Variants in BLTP3B observed in about 807,000 individuals in gnomAD.
BLTP3B encodes the protein bridge-like lipid transfer protein family member 3B, also known as UHRF1 (ICBP90) binding protein 1-like.
the BLTP3B span, among the ~76,000 whole-genome samples, chr12:100,091,667 TA>T: frequency 6.6e-6 from 1 of 151,554 alleles, no homozygotes; most frequent in African/African-American, 2.4e-5. Flanking sequence ...CACGCCCGGC[TA>T]AATTTTTTGT....
At chr12:100,064,714 A>T in the BLTP3B span, among the ~76,000 whole-genome samples, 2 of 152,156 alleles carry the variant, frequency 1.3e-5, no homozygotes, top group African/African-American at 4.8e-5. Context: ...GTAAAGATAC[A>T]GTGTTTTTCA....
At chr12:100,115,745 G>C in the BLTP3B span, among the ~76,000 whole-genome samples, 2 of 151,914 alleles carry the variant, frequency 1.3e-5, no homozygotes, top group African/African-American at 2.4e-5. Context: ...CTTGGTGACA[G>C]AGTGAGATCC....
At chr12:100,139,343 A>G in the BLTP3B span, among the ~76,000 whole-genome samples, 2 of 152,224 alleles carry the variant, frequency 1.3e-5, no homozygotes, top group African/African-American at 4.8e-5. Flanking sequence ...TCATCCAGGC[A>G]AAGATGGTTT....
chr12:100,058,559 C>A, the BLTP3B span: 7 of 1,611,498 alleles, frequency 4.3e-6, no homozygotes, highest in Non-Finnish European at 5.9e-6. Context: ...TTTTTGAAGA[C>A]AAAAAATCCC....
At chr12:100,059,957 A>G in the BLTP3B span, 1 of 1,613,154 alleles carries the variant, frequency 6.2e-7, no homozygotes, top group Non-Finnish European at 8.5e-7. Flanking sequence ...TTTAAATCCA[A>G]CAGAAATTGA....
chr12:100,082,329 G>A, the BLTP3B span, among the ~76,000 whole-genome samples: 1 of 152,256 alleles, frequency 6.6e-6, no homozygotes, highest in East Asian at 1.9e-4. Context: ...AATAATTTGT[G>A]AATATTTTCT....
chr12:100,043,015 T>G, the BLTP3B span, among the ~76,000 whole-genome samples: 1 of 152,146 alleles, frequency 6.6e-6, no homozygotes, highest in East Asian at 1.9e-4. Context: ...GCCAGGCTGG[T>G]CTTGAACTCT....
chr12:100,141,065 T>C, the BLTP3B span, among the ~76,000 whole-genome samples: 1 of 151,944 alleles, frequency 6.6e-6, no homozygotes, highest in Admixed American at 6.6e-5. Context: ...CTTGTGGAGC[T>C]GGGTATGAGA....
the BLTP3B span, among the ~76,000 whole-genome samples, chr12:100,115,647 G>A: frequency 1.3e-5 from 2 of 151,970 alleles, no homozygotes; most frequent in Non-Finnish European, 2.9e-5. Context: ...GCACACGCCT[G>A]TAGCTACCTG....
At chr12:100,048,148 G>C in the BLTP3B span, 2 of 1,606,838 alleles carry the variant, frequency 1.2e-6, no homozygotes, top group East Asian at 4.5e-5. Flanking sequence ...AAATCTCAGA[G>C]AAATCTCAGG....
At chr12:100,128,727 T>C in the BLTP3B span, 1 of 1,287,440 alleles carries the variant, frequency 7.8e-7, no homozygotes. Flanking sequence ...CAGGGAACGC[T>C]GCAGGGAATG....
the BLTP3B span, among the ~76,000 whole-genome samples, chr12:100,074,593 C>CAAAAAAAAA: frequency 1.4e-5 from 1 of 69,650 alleles, no homozygotes. Flanking sequence ...GACTCTGTTT[C>CAAAAAAAAA]AAAAAAAAAA....
At chr12:100,120,089 C>T in the BLTP3B span, among the ~76,000 whole-genome samples, 2 of 152,134 alleles carry the variant, frequency 1.3e-5, no homozygotes, top group South Asian at 4.1e-4. Context: ...CACTAACAGG[C>T]AAAAGGCCTG....
At chr12:100,117,929 G>A in the BLTP3B span, among the ~76,000 whole-genome samples, 2 of 152,058 alleles carry the variant, frequency 1.3e-5, no homozygotes. Context: ...ATATGCATCA[G>A]ATTTAAAATC....
chr12:100,091,883 G>T, the BLTP3B span, among the ~76,000 whole-genome samples: 1 of 149,790 alleles, frequency 6.7e-6, no homozygotes, highest in Non-Finnish European at 1.5e-5. Context: ...TCAGCTCACT[G>T]CAACAACCTC....
chr12:100,082,994 T>C, the BLTP3B span: 1 of 1,577,288 alleles, frequency 6.3e-7, no homozygotes, highest in Non-Finnish European at 8.7e-7. Flanking sequence ...ATGAGAAAAC[T>C]TAATTGGAAA....
the BLTP3B span, among the ~76,000 whole-genome samples, chr12:100,049,629 A>G: frequency 6.6e-6 from 1 of 152,208 alleles, no homozygotes; most frequent in African/African-American, 2.4e-5. Context: ...CAAGAGTTCA[A>G]ATCTAACTCC....
the BLTP3B span, among the ~76,000 whole-genome samples, chr12:100,071,580 A>C: frequency 6.6e-6 from 1 of 152,042 alleles, no homozygotes; most frequent in Admixed American, 6.6e-5. Context: ...ATACAAATGT[A>C]CAATCATTTT....
the BLTP3B span, among the ~76,000 whole-genome samples, chr12:100,054,623 C>T: frequency 1.3e-5 from 2 of 152,028 alleles, no homozygotes; most frequent in Admixed American, 1.3e-4. Flanking sequence ...GAGTTATCTG[C>T]GAATCTAGAA....
Sources: gnomAD v4.1 joint callset for allele counts (sites outside exome capture counted in the v4.1 genomes callset) on GRCh38, gnomAD v4.1.1 for gene constraint, MANE v1.5 for transcripts, NCBI Gene and HGNC (gene_info 2026-07-23, HGNC 2026-07-21) for gene names.